NUP35: variants seen among roughly 807,000 people sequenced by gnomAD.
The protein encoded by NUP35 is nucleoporin 35.
Under a neutral mutation model 41.5 loss-of-function variants are expected in NUP35, and 25 were observed. That is an observed-to-expected ratio of 0.60 (90% confidence interval 0.44 to 0.84). The LOEUF is 0.84. Ranked by LOEUF, NUP35 falls within the 40% of genes least tolerant of loss-of-function variation. The pLI, the probability that NUP35 is intolerant of heterozygous loss-of-function variation, is 0.00. For synonymous variants in NUP35, 149 were observed against 130.7 expected, an observed-to-expected ratio of 1.14 and a Z score of -0.96; for missense variants, 396 against 396.6, an observed-to-expected ratio of 1.00 and a Z score of 0.01.
chr2:183,141,116 C>CT (rs1448023482), intron 4 of NUP35, among the ~76,000 whole-genome samples: 1 of 151,188 alleles, frequency 6.6e-6, no homozygotes, highest in Non-Finnish European at 1.5e-5. Context: ...AATCAGCTTC[C>CT]TTGTTTTTTT....
chr2:183,128,154 ACTATGGTT>A, intron 1 of NUP35, 125 bp from the exon 2 acceptor site: 1 of 506,282 alleles, frequency 2.0e-6, no homozygotes, highest in Non-Finnish European at 3.3e-6. Context: ...AATAAATTCA[ACTATGGTT>A]CTATTATATC....
At chr2:183,151,462 C>T (rs200486362) in intron 4 of NUP35, 46 bp from the exon 5 acceptor site, 439 of 1,563,116 alleles carry the variant, frequency 2.8e-4, no homozygotes, top group Non-Finnish European at 3.3e-4. Flanking sequence ...TAGAATCAAT[C>T]GAGGTGTTTA....
At chr2:183,136,015 A>G (rs535054448) in intron 4 of NUP35, among the ~76,000 whole-genome samples, 1 of 152,250 alleles carries the variant, frequency 6.6e-6, no homozygotes, top group Non-Finnish European at 1.5e-5. Flanking sequence ...GATCCTTTGA[A>G]TCCTCCAAGT....
At chr2:183,140,352 C>T (rs150619283) in intron 4 of NUP35, among the ~76,000 whole-genome samples, 2 of 152,168 alleles carry the variant, frequency 1.3e-5, no homozygotes, top group East Asian at 1.9e-4. Flanking sequence ...TTCCTTTCCT[C>T]TTCCCCTTTT....
intron 4 of NUP35, among the ~76,000 whole-genome samples, chr2:183,135,375 G>A (rs1456640792): frequency 6.6e-6 from 1 of 152,124 alleles, no homozygotes; most frequent in Non-Finnish European, 1.5e-5. Flanking sequence ...AAGAATAAGG[G>A]GATGGTGACT....
chr2:183,159,472 T>G lies in NUP35; in HGVS notation c.739-16T>G. On this transcript the variant is annotated splice_polypyrimidine_tract_variant and intron_variant, in intron 7 of 8. Transcript: ENST00000295119. ...TTATGTTTATAAACAAAGGAGTTAT[T>G]TCTTTGTTTCTCCAGAGTGTTATGG... is the stretch of plus-strand genomic sequence containing the variant. 1.2e-6 allele frequency: 2 copies of G among 1,604,772 alleles called. No homozygotes were observed. The highest frequency in any genetic ancestry group is 1.7e-6 in the Non-Finnish European group (2 of 1,174,946).
intron 1 of NUP35, among the ~76,000 whole-genome samples, chr2:183,117,974 T>C (rs1434768207): frequency 1.3e-5 from 2 of 152,190 alleles, no homozygotes; most frequent in Non-Finnish European, 2.9e-5. Context: ...ACCAAGTATT[T>C]CAAGAGTCAC....
chr2:183,130,219 G>A (rs937808291), intron 2 of NUP35, among the ~76,000 whole-genome samples, 199 bp from the exon 3 acceptor site: 12 of 152,092 alleles, frequency 7.9e-5, no homozygotes, highest in Non-Finnish European at 1.8e-4. Context: ...TATTAGAACT[G>A]TATAATCTCA....
intron 4 of NUP35, among the ~76,000 whole-genome samples, chr2:183,145,377 T>G (rs750028464): frequency 2.0e-5 from 3 of 152,222 alleles, no homozygotes; most frequent in Non-Finnish European, 4.4e-5. Flanking sequence ...ATCTGAAATT[T>G]CCTTTGAGTG....
In NUP35 at chr2:183,159,478, G is replaced by A; in HGVS notation, c.739-10G>A. 2 of 1,606,994 alleles carry A rather than the reference G, an allele frequency of 1.2e-6. No homozygotes were observed. Among genetic ancestry groups the A allele is most frequent in the Non-Finnish European group, 1.7e-6 (2 of 1,176,596 alleles). The stretch of plus-strand genomic sequence containing the variant: ...TTATAAACAAAGGAGTTATTTCTTT[G>A]TTTCTCCAGAGTGTTATGGAAAGCA... On this transcript the variant is annotated splice_polypyrimidine_tract_variant and intron_variant, in intron 7 of 8. Transcript: ENST00000295119.
upstream of NUP35, among the ~76,000 whole-genome samples, chr2:183,119,776 C>T (rs1221181821): frequency 6.6e-6 from 1 of 152,034 alleles, no homozygotes; most frequent in African/African-American, 2.4e-5. Context: ...CATGGAACTC[C>T]TGGGGTCAAG....
chr2:183,146,479 T>A, intron 4 of NUP35, among the ~76,000 whole-genome samples: 1 of 152,256 alleles, frequency 6.6e-6, no homozygotes, highest in East Asian at 1.9e-4. Flanking sequence ...ATAGTACTGC[T>A]ATTTTGAGTT....
At chr2:183,144,456 T>G (rs1484357407) in intron 4 of NUP35, among the ~76,000 whole-genome samples, 1 of 152,242 alleles carries the variant, frequency 6.6e-6, no homozygotes, top group Non-Finnish European at 1.5e-5. Context: ...AACCTCTTTT[T>G]TCCAAGTTTC....
intron 5 of NUP35, among the ~76,000 whole-genome samples, chr2:183,157,149 G>GT (rs1009892451): frequency 6.6e-6 from 1 of 151,910 alleles, no homozygotes; most frequent in Non-Finnish European, 1.5e-5. Context: ...CAACTTTATA[G>GT]TTTTTTTTCT....
At chr2:183,148,274 C>G (rs1035907014) in intron 4 of NUP35, among the ~76,000 whole-genome samples, 2 of 152,126 alleles carry the variant, frequency 1.3e-5, no homozygotes, top group African/African-American at 4.8e-5. Context: ...ACTTATGAGT[C>G]CAGCTATCTT....
intron 4 of NUP35, among the ~76,000 whole-genome samples, chr2:183,137,034 G>A (rs931733685): frequency 3.3e-5 from 5 of 152,020 alleles, no homozygotes; most frequent in African/African-American, 1.2e-4. Flanking sequence ...AGGTTGGAGT[G>A]AGCTGAGATC....
intron 5 of NUP35, among the ~76,000 whole-genome samples, chr2:183,154,373 A>G (rs1467700454): frequency 6.6e-6 from 1 of 152,136 alleles, no homozygotes; most frequent in Non-Finnish European, 1.5e-5. Context: ...CTGAACTTTT[A>G]TGCTGTGTTT....
At chr2:183,130,985 C>CT (rs1160970930) in intron 3 of NUP35, 15 of 1,185,180 alleles carry the variant, frequency 1.3e-5, no homozygotes, top group African/African-American at 1.6e-5. Context: ...TTATTTTCTT[C>CT]TTTTTTTAGG....
chr2:183,122,884 A>C (rs1291400194), upstream of NUP35, among the ~76,000 whole-genome samples: 28 of 91,946 alleles, frequency 3.0e-4, no homozygotes, highest in Non-Finnish European at 1.8e-4. Flanking sequence ...AGAATCTGTG[A>C]ATGTTACCTT....
Sources: allele counts gnomAD v4.1 joint callset (sites outside exome capture counted in the v4.1 genomes callset), GRCh38; gene constraint gnomAD v4.1.1; transcripts MANE v1.5; gene names NCBI Gene and HGNC (gene_info 2026-07-23, HGNC 2026-07-21).